The following ARSB variants were observed in gnomAD, a reference collection of about 807,000 sequenced individuals.
The protein encoded by ARSB is N-acetylgalactosamine-4-sulfatase.
Under a neutral mutation model 50.9 loss-of-function variants are expected in ARSB, and 41 were observed. That is an observed-to-expected ratio of 0.81 (90% confidence interval 0.63 to 1.04). ARSB has a LOEUF of 1.04. ARSB is among the 50% of genes least tolerant of loss of function. The probability of loss-of-function intolerance (pLI) is 0.00; values close to 1 mark genes in which losing one functional copy is unlikely to be tolerated. For missense variants in ARSB, 672 were observed against 693.3 expected, an observed-to-expected ratio of 0.97 and a Z score of 0.35; for synonymous variants, 269 against 284.8, an observed-to-expected ratio of 0.94 and a Z score of 0.56.
chr5:78,781,811 T>G (rs1471851588), intron 7 of ARSB, 41 bp downstream of exon 7: 2 of 1,613,516 alleles, frequency 1.2e-6, no homozygotes, highest in South Asian at 2.2e-5. Flanking sequence ...CCCTGCTTTG[T>G]CTACCACGGG....
rs548160754 is a variant in ARSB at position 78,881,101 on chromosome 5, G to A, written c.1142+4483C>T. On this transcript the variant is annotated intron_variant, in intron 5 of 7. Coordinates refer to ENST00000264914, the MANE Select transcript of ARSB (RefSeq NM_000046.5). ...ACAAAAATTAGCTGGGTATGTTGAT[G>A]CATACCTGTAATTCCAACTACTCGG... is the stretch of plus-strand genomic sequence containing the variant. Among the ~76,000 whole-genome samples, 3 of 152,144 alleles carry A rather than the reference G, an allele frequency of 2.0e-5. No homozygotes were observed. In the South Asian group the frequency reaches 6.2e-4, roughly 32 times the overall value.
chr5:78,943,192 T>G (rs1282930464), intron 4 of ARSB, among the ~76,000 whole-genome samples: 2 of 152,220 alleles, frequency 1.3e-5, no homozygotes, highest in East Asian at 3.8e-4. Context: ...GTGAGATGCA[T>G]CTCCTGAATA....
intron 4 of ARSB, among the ~76,000 whole-genome samples, chr5:78,933,569 G>C (rs148482173): frequency 6.6e-6 from 1 of 152,030 alleles, no homozygotes; most frequent in Non-Finnish European, 1.5e-5. Context: ...GAGCTGCCTT[G>C]TGGATGGGGA....
At chr5:78,788,714 C>T (rs897403462) in intron 6 of ARSB, among the ~76,000 whole-genome samples, 17 of 152,166 alleles carry the variant, frequency 1.1e-4, no homozygotes, top group Non-Finnish European at 2.4e-4. Flanking sequence ...GATCCTCCTA[C>T]CTCAGCCTCC....
intron 3 of ARSB, among the ~76,000 whole-genome samples, chr5:78,957,798 C>T (rs1326547549): frequency 6.6e-6 from 1 of 152,002 alleles, no homozygotes; most frequent in Non-Finnish European, 1.5e-5. Flanking sequence ...GAGGGAAGAA[C>T]GTGCAGGTGC....
At chr5:78,945,145 G>A (rs555299380) in intron 4 of ARSB, among the ~76,000 whole-genome samples, 1 of 152,126 alleles carries the variant, frequency 6.6e-6, no homozygotes, top group Non-Finnish European at 1.5e-5. Context: ...TATTAGGGTG[G>A]GAGTGACCCG....
In ARSB at chr5:78,981,975, C is replaced by T. The variant is rs1303497295; in HGVS notation, c.312+2962G>A. ...TCTGTCGCCCAGGCCGGACTGCGGA[C>T]TGCAGTGGCGCAATCTCGGCTCACT... On this transcript the variant is annotated intron_variant, in intron 1 of 7. Transcript: ENST00000264914. 3.9e-4 allele frequency among the ~76,000 whole-genome samples: 10 copies of T among 25,912 alleles called. 4 individuals are homozygous for T. The highest frequency in any genetic ancestry group is 1.1e-3 in the African/African-American group (10 of 9,076). The allele number at this position is 25,912 out of a possible 152,430, so 17.0% of individuals were successfully genotyped here. A position where few individuals can be genotyped will look rare whatever the true frequency, so the allele number is the denominator to read the frequency against.
chr5:78,812,592 A>AACACACACACAC (rs66597603), intron 6 of ARSB, among the ~76,000 whole-genome samples: 3,208 of 144,288 alleles, frequency 0.022, 59 homozygotes, highest in Non-Finnish European at 0.027. Flanking sequence ...ATTCTGTTCA[A>AACACACACACAC]ACACACACAC....
At chr5:78,803,730 G>A (rs1743473592) in intron 6 of ARSB, among the ~76,000 whole-genome samples, 1 of 152,266 alleles carries the variant, frequency 6.6e-6, no homozygotes, top group South Asian at 2.1e-4. Flanking sequence ...TACAAATGAT[G>A]CAAGTGCTAT....
intron 1 of ARSB, among the ~76,000 whole-genome samples, chr5:78,982,957 A>G (rs1752976051): frequency 6.6e-6 from 1 of 152,156 alleles, no homozygotes; most frequent in African/African-American, 2.4e-5. Flanking sequence ...ACCATGGGGT[A>G]CTCTAAATAC....
intron 5 of ARSB, among the ~76,000 whole-genome samples, chr5:78,846,668 C>A (rs939838029): frequency 1.3e-5 from 2 of 152,262 alleles, no homozygotes; most frequent in Admixed American, 1.3e-4. Context: ...TTAGGGTTTT[C>A]TGTATATATG....
intron 4 of ARSB, among the ~76,000 whole-genome samples, chr5:78,924,574 A>G (rs1312085691): frequency 6.6e-6 from 1 of 152,102 alleles, no homozygotes; most frequent in Non-Finnish European, 1.5e-5. Flanking sequence ...TATTAACAAT[A>G]TTTTCCAAGG....
intron 5 of ARSB, among the ~76,000 whole-genome samples, chr5:78,869,775 C>G (rs936611988): frequency 2.1e-5 from 3 of 143,428 alleles, no homozygotes; most frequent in Non-Finnish European, 4.6e-5. Flanking sequence ...AGAGCAAACA[C>G]ATTCAAAAGC....
At chr5:78,818,504 C>A (rs1314295385) in intron 6 of ARSB, among the ~76,000 whole-genome samples, 1 of 151,882 alleles carries the variant, frequency 6.6e-6, no homozygotes, top group Admixed American at 6.6e-5. Context: ...AGCAGAATGG[C>A]CATCTAGAAT....
chr5:78,782,463 T>C (rs1748954898), intron 6 of ARSB, among the ~76,000 whole-genome samples: 1 of 152,228 alleles, frequency 6.6e-6, no homozygotes, highest in Non-Finnish European at 1.5e-5. Flanking sequence ...TTAACAACTC[T>C]TAAGGAATCT....
rs7703105 is a variant in ARSB at position 78,818,135 on chromosome 5, A to T, written c.1213+21221T>A. Among the ~76,000 whole-genome samples, 314 of 120,184 alleles carry T rather than the reference A, an allele frequency of 2.6e-3. 26 individuals carry two copies. The highest frequency in any genetic ancestry group is 7.9e-3 in the Middle Eastern group (2 of 254). The allele number at this position is 120,184 out of a possible 152,430, so 78.8% of individuals were successfully genotyped here. On this transcript the variant is annotated intron_variant, in intron 6 of 7. Transcript: ENST00000264914. ...TGCACTCCAGCCTGGGTGACAGAGC[A>T]AGACTCCGTCCCCCTGTGCCGCCCC... is the stretch of plus-strand genomic sequence containing the variant.
At chr5:78,858,839 C>T (rs2112088336) in intron 5 of ARSB, among the ~76,000 whole-genome samples, 1 of 152,324 alleles carries the variant, frequency 6.6e-6, no homozygotes, top group Admixed American at 6.5e-5. Flanking sequence ...TACAATGTTC[C>T]AGGCATGGTG....
intron 4 of ARSB, among the ~76,000 whole-genome samples, chr5:78,923,211 C>T (rs750401536): frequency 4.6e-5 from 7 of 152,186 alleles, no homozygotes; most frequent in Non-Finnish European, 8.8e-5. Flanking sequence ...CACTGGGACC[C>T]TTTGAGAATT....
At chr5:78,941,191 C>T (rs1301788364) in intron 4 of ARSB, among the ~76,000 whole-genome samples, 5 of 151,156 alleles carry the variant, frequency 3.3e-5, no homozygotes, top group Admixed American at 1.3e-4. Flanking sequence ...GGGGCTGAGA[C>T]GATGGGGTTT....
Sources: gnomAD v4.1 joint callset for allele counts (sites outside exome capture counted in the v4.1 genomes callset) on GRCh38, gnomAD v4.1.1 for gene constraint, MANE v1.5 for transcripts, NCBI Gene and HGNC (gene_info 2026-07-23, HGNC 2026-07-21) for gene names.